AGBL4: variants seen among roughly 807,000 people sequenced by gnomAD.
The protein encoded by AGBL4 is AGBL carboxypeptidase 4.
A neutral mutation model predicts 66.4 loss-of-function variants in AGBL4; 58 were observed. The ratio of observed to expected loss-of-function variants is 0.87; its 90% CI spans 0.71 to 1.09. AGBL4 has a LOEUF of 1.09. Among genes scored for constraint, AGBL4 ranks in the 50% least tolerant of loss-of-function variants. The pLI is 0.00. For missense variants in AGBL4, 579 were observed against 631.0 expected (o/e 0.92, Z 0.88); for synonymous variants, 234 against 222.9 (o/e 1.05, Z -0.44).
At chr1:49,556,670 G>A (rs993746938) in intron 3 of AGBL4, among the ~76,000 whole-genome samples, 10 of 152,042 alleles carry the variant, frequency 6.6e-5, no homozygotes, top group African/African-American at 4.8e-5. Flanking sequence ...CGCAGGGGCC[G>A]CAGGCGGAGC....
intron 3 of AGBL4, among the ~76,000 whole-genome samples, chr1:49,370,779 C>A (rs763761837): frequency 4.7e-4 from 71 of 152,274 alleles, no homozygotes; most frequent in Admixed American, 2.6e-3. Flanking sequence ...ACACTGAGAT[C>A]TGATCTTCCT....
At chr1:49,675,166 C>T (rs1375979355) in intron 3 of AGBL4, among the ~76,000 whole-genome samples, 1 of 152,042 alleles carries the variant, frequency 6.6e-6, no homozygotes, top group African/African-American at 2.4e-5. Context: ...GGATAAGACA[C>T]TGTCATGCAG....
intron 6 of AGBL4, among the ~76,000 whole-genome samples, chr1:48,781,497 G>A (rs190814034): frequency 1.7e-4 from 26 of 152,330 alleles, no homozygotes; most frequent in Admixed American, 3.3e-4. Context: ...TCAAGATATT[G>A]ATGATTCATT....
chr1:49,547,471 G>C (rs1570999101), intron 3 of AGBL4, among the ~76,000 whole-genome samples: 1 of 152,198 alleles, frequency 6.6e-6, no homozygotes, highest in African/African-American at 2.4e-5. Flanking sequence ...GCTTAGTCTT[G>C]CTTTGGCTAT....
At chr1:49,232,336 A>G (rs2148299044) in intron 4 of AGBL4, among the ~76,000 whole-genome samples, 1 of 152,238 alleles carries the variant, frequency 6.6e-6, no homozygotes, top group South Asian at 2.1e-4. Context: ...CCCTAAATTC[A>G]AGGGTCTTTC....
chr1:49,494,948 T>C (rs570116808), intron 3 of AGBL4, among the ~76,000 whole-genome samples: 73 of 152,210 alleles, frequency 4.8e-4, no homozygotes, highest in African/African-American at 1.8e-3. Context: ...TTCCTGACTT[T>C]TAGTACAATT....
At chr1:49,837,011 C>T (rs1645867999) in intron 2 of AGBL4, among the ~76,000 whole-genome samples, 1 of 152,132 alleles carries the variant, frequency 6.6e-6, no homozygotes, top group Admixed American at 6.5e-5. Flanking sequence ...TGAGGTGTCT[C>T]CCCATCAGGA....
intron 3 of AGBL4, among the ~76,000 whole-genome samples, chr1:49,666,042 G>A (rs1300995350): frequency 6.6e-6 from 1 of 151,154 alleles, no homozygotes; most frequent in Non-Finnish European, 1.5e-5. Context: ...TGCCCAGGCT[G>A]AACTCGAACA....
At chr1:49,637,468 T>C (rs1048235843) in intron 3 of AGBL4, among the ~76,000 whole-genome samples, 2 of 151,474 alleles carry the variant, frequency 1.3e-5, no homozygotes, top group Non-Finnish European at 2.9e-5. Context: ...GCCCAGCTAA[T>C]TTTTTTGTAT....
chr1:50,004,680 C>T (rs539325272), intron 1 of AGBL4, among the ~76,000 whole-genome samples: 1 of 152,292 alleles, frequency 6.6e-6, no homozygotes, highest in African/African-American at 2.4e-5. Flanking sequence ...AGAAGGGAAC[C>T]TGCAGCCCTG....
chr1:49,229,934 A>AT (rs1242796897), intron 4 of AGBL4, among the ~76,000 whole-genome samples: 2 of 151,402 alleles, frequency 1.3e-5, no homozygotes, highest in Admixed American at 6.6e-5. Context: ...CACCTTATCT[A>AT]ACTTAATCTA....
intron 6 of AGBL4, among the ~76,000 whole-genome samples, chr1:48,841,502 C>A (rs1646802360): frequency 6.8e-6 from 1 of 147,136 alleles, no homozygotes; most frequent in South Asian, 2.2e-4. Context: ...AAAGCCAGAG[C>A]AGCGATTTCA....
chr1:49,730,053 C>T (rs1370787908), intron 2 of AGBL4, among the ~76,000 whole-genome samples: 1 of 152,132 alleles, frequency 6.6e-6, no homozygotes, highest in East Asian at 1.9e-4. Flanking sequence ...TTCAAGGTTA[C>T]CTACAGCTGG....
chr1:49,197,029 A>G (rs1353113235), intron 4 of AGBL4, among the ~76,000 whole-genome samples: 1 of 151,986 alleles, frequency 6.6e-6, no homozygotes, highest in Non-Finnish European at 1.5e-5. Context: ...GGGTTTTGTC[A>G]TGTTTTCCAG....
At chr1:49,598,756 C>T (rs1644898758) in intron 3 of AGBL4, among the ~76,000 whole-genome samples, 1 of 152,136 alleles carries the variant, frequency 6.6e-6, no homozygotes, top group African/African-American at 2.4e-5. Context: ...AGCTGTCAGA[C>T]AGGGACATTT....
intron 5 of AGBL4, among the ~76,000 whole-genome samples, chr1:49,038,218 C>T (rs10788907): frequency 0.61 from 92,877 of 151,892 alleles, 28,903 homozygotes; most frequent in Middle Eastern, 0.67. Context: ...ATAATACTCA[C>T]ATAATATTCT....
intron 9 of AGBL4, among the ~76,000 whole-genome samples, chr1:48,605,288 C>G (rs949698437): frequency 6.6e-6 from 1 of 152,196 alleles, no homozygotes; most frequent in Non-Finnish European, 1.5e-5. Context: ...ATCAGGTCCT[C>G]AAGAATCTGC....
intron 6 of AGBL4, among the ~76,000 whole-genome samples, chr1:48,668,174 T>C (rs968774211): frequency 5.9e-5 from 9 of 152,160 alleles, no homozygotes; most frequent in South Asian, 2.1e-4. Context: ...AGGTCCATAG[T>C]ACTCTTAAGC....
At chr1:49,822,562 G>A (rs1434117389) in intron 2 of AGBL4, among the ~76,000 whole-genome samples, 1 of 152,116 alleles carries the variant, frequency 6.6e-6, no homozygotes, top group African/African-American at 2.4e-5. Flanking sequence ...GACCTCAGGT[G>A]ATCCACATAA....
Sources: allele counts gnomAD v4.1 joint callset (sites outside exome capture counted in the v4.1 genomes callset), GRCh38; gene constraint gnomAD v4.1.1; transcripts MANE v1.5; gene names NCBI Gene and HGNC (gene_info 2026-07-23, HGNC 2026-07-21).